The following SIMC1 variants were observed in gnomAD, a reference collection of about 807,000 sequenced individuals.
SIMC1 encodes the protein SUMO-interacting motif-containing protein 1.
Under a neutral mutation model 82.3 loss-of-function variants are expected in SIMC1, and 55 were observed. The observed-to-expected ratio is 0.67, with a 90% CI of 0.54 to 0.84. SIMC1 has a LOEUF of 0.84. Ranked by LOEUF, SIMC1 falls within the 40% of genes least tolerant of loss-of-function variation. The pLI is 0.00. For synonymous variants in SIMC1, 353 were observed against 426.3 expected, an observed-to-expected ratio of 0.83 and a Z score of 2.12; for missense variants, 915 against 1,107.2, an observed-to-expected ratio of 0.83 and a Z score of 2.46.
chr5:176,278,732 G>A (rs542678712), intron 1 of SIMC1, among the ~76,000 whole-genome samples: 1 of 126,388 alleles, frequency 7.9e-6, no homozygotes, highest in Non-Finnish European at 1.7e-5. Context: ...CTTTGGCTCT[G>A]TTTATATGCT....
At chr5:176,245,684 A>G (rs557651224) in intron 1 of SIMC1, among the ~76,000 whole-genome samples, 63 of 152,320 alleles carry the variant, frequency 4.1e-4, no homozygotes, top group Non-Finnish European at 6.8e-4. Context: ...AAAGAAAGTG[A>G]TATTTATTCA....
intron 9 of SIMC1, among the ~76,000 whole-genome samples, chr5:176,343,754 C>A (rs1306939728): frequency 6.6e-6 from 1 of 152,078 alleles, no homozygotes; most frequent in Non-Finnish European, 1.5e-5. Context: ...TGTGCATTAT[C>A]ACACTCACGA....
At chr5:176,309,190 A>C (rs1764552901) in intron 4 of SIMC1, among the ~76,000 whole-genome samples, 2 of 152,236 alleles carry the variant, frequency 1.3e-5, no homozygotes. Context: ...AGATCAATGG[A>C]ACAGATGAGA....
intron 6 of SIMC1, among the ~76,000 whole-genome samples, chr5:176,324,041 G>T (rs998195802): frequency 1.3e-5 from 2 of 151,326 alleles, no homozygotes; most frequent in South Asian, 4.2e-4. Context: ...CTGATGTCAG[G>T]CCAGGCTCAC....
intron 2 of SIMC1, 130 bp from the exon 3 acceptor site, chr5:176,294,900 G>A (rs551747354): frequency 2.6e-5 from 33 of 1,276,062 alleles, no homozygotes; most frequent in Non-Finnish European, 3.2e-5. Context: ...GGGAGGCAGA[G>A]CTTGCAGTGA....
chr5:176,321,541 TAGG>T (rs1426593349), intron 5 of SIMC1, among the ~76,000 whole-genome samples: 13 of 152,180 alleles, frequency 8.5e-5, no homozygotes, highest in Admixed American at 2.6e-4. Flanking sequence ...AGTGGGGTTT[TAGG>T]AGGAAACAAA....
chr5:176,268,179 G>C (rs1344340191), intron 1 of SIMC1, among the ~76,000 whole-genome samples: 1 of 96,416 alleles, frequency 1.0e-5, no homozygotes, highest in African/African-American at 4.1e-5. Flanking sequence ...AACCAATAGA[G>C]GAGTTAAAAT....
intron 7 of SIMC1, among the ~76,000 whole-genome samples, chr5:176,326,534 T>C (rs1235042033): frequency 1.3e-5 from 2 of 151,934 alleles, no homozygotes; most frequent in African/African-American, 4.8e-5. Context: ...CACCCAACCT[T>C]ATTTATTTTT....
intron 1 of SIMC1, among the ~76,000 whole-genome samples, chr5:176,254,166 A>G (rs1761778256): frequency 6.6e-6 from 1 of 152,164 alleles, no homozygotes; most frequent in Non-Finnish European, 1.5e-5. Context: ...GGATGTTGCC[A>G]AGGTCACCCA....
chr5:176,302,192 G>A (rs1256594813), intron 4 of SIMC1, among the ~76,000 whole-genome samples: 1 of 152,138 alleles, frequency 6.6e-6, no homozygotes, highest in Non-Finnish European at 1.5e-5. Flanking sequence ...TTGAATCCAT[G>A]GATGCAGAAC....
chr5:176,289,451 G>C (rs978070752), intron 1 of SIMC1, among the ~76,000 whole-genome samples: 1 of 151,956 alleles, frequency 6.6e-6, no homozygotes, highest in African/African-American at 2.4e-5. Context: ...CTAGTCATGC[G>C]TATGTGGCAT....
chr5:176,273,271 C>T (rs748061788), intron 1 of SIMC1, among the ~76,000 whole-genome samples: 5 of 152,144 alleles, frequency 3.3e-5, no homozygotes, highest in African/African-American at 7.2e-5. Context: ...TTTGCTGTTC[C>T]GCAATATTCA....
At chr5:176,335,724 T>G (rs1382745138) in intron 7 of SIMC1, among the ~76,000 whole-genome samples, 1 of 151,964 alleles carries the variant, frequency 6.6e-6, no homozygotes, top group East Asian at 1.9e-4. Context: ...GGCACAAAAA[T>G]TAGAAGAGAA....
intron 1 of SIMC1, among the ~76,000 whole-genome samples, chr5:176,268,867 C>A (rs1762311162): frequency 6.6e-6 from 1 of 152,194 alleles, no homozygotes; most frequent in South Asian, 2.1e-4. Flanking sequence ...ACAGAATACA[C>A]TTTTTCTCCC....
intron 7 of SIMC1, among the ~76,000 whole-genome samples, chr5:176,333,132 C>T (rs1390240218): frequency 1.7e-4 from 26 of 152,078 alleles, no homozygotes; most frequent in Middle Eastern, 3.4e-3. Flanking sequence ...GGTGAAACCC[C>T]GTCTCTACTA....
At chr5:176,329,415 G>A (rs1478820186) in intron 7 of SIMC1, among the ~76,000 whole-genome samples, 1 of 151,064 alleles carries the variant, frequency 6.6e-6, no homozygotes, top group Non-Finnish European at 1.5e-5. Context: ...AGCTTGCAGT[G>A]AGCAGAGATA....
Position 176,290,525 on chromosome 5 carries a change from G to C in SIMC1, c.1001G>C (p.Gly334Ala), listed in dbSNP as rs1763508077. Residue 334 changes from glycine (G) to alanine (A), a missense_variant, in exon 2 of 10, where the codon GGC (glycine) becomes GCC (alanine). Gly to Ala is a moderately conservative substitution (Grantham distance 60). Coordinates refer to ENST00000429602, the MANE Select transcript of SIMC1 (RefSeq NM_001308195.2). ...CCAGATGCACCACAGTCACCAGGGG[G>C]CATGCCACACTTACCGGGAGATGTG... ...PSPDAPQSPG[G>A]MPHLPGDVLH... 3.1e-6 allele frequency: 5 copies of C among 1,613,944 alleles called. No homozygotes were observed. Among genetic ancestry groups the C allele is most frequent in the Non-Finnish European group, 4.2e-6 (5 of 1,179,878 alleles).
chr5:176,320,913 CTCAGT>C lies in SIMC1; in HGVS notation c.1890-1358_1890-1354del, dbSNP rs1420478142. Among the ~76,000 whole-genome samples, 6 of 152,180 alleles carry C rather than the reference CTCAGT, an allele frequency of 3.9e-5. No homozygotes were observed. In the East Asian group the frequency reaches 1.2e-3, roughly 29 times the overall value. On this transcript the variant is annotated intron_variant, in intron 5 of 9. Transcript: ENST00000429602. ...AAACATGGCACAGTGGCTTTATTTG[CTCAGT>C]TAATTGGTTGCTTTTAATTTTGTAA...
At position 176,289,949 on chromosome 5, in the gene SIMC1, G is replaced by A. The variant is rs764697922; in HGVS notation, c.425G>A (p.Gly142Asp). Residue 142 changes from glycine (G) to aspartate (D), a missense_variant, in exon 2 of 10, where the codon GGT becomes GAT. Physicochemically the swap from Gly to Asp is moderately conservative, Grantham distance 94. Coordinates refer to ENST00000429602, the MANE Select transcript of SIMC1 (RefSeq NM_001308195.2). The part of the protein sequence containing the change: ...LDLVEENTFV[G>D]PPPATSISGG... ...CTAGTGGAAGAAAACACCTTTGTAG[G>A]TCCCCCACCCGCTACATCCATCAGT... 4.3e-6 allele frequency: 7 copies of A among 1,613,714 alleles called. No homozygotes were observed. The highest frequency in any genetic ancestry group is 1.3e-5 in the African/African-American group (1 of 74,924).
Sources: allele counts gnomAD v4.1 joint callset (sites outside exome capture counted in the v4.1 genomes callset), GRCh38; gene constraint gnomAD v4.1.1; transcripts MANE v1.5; gene names NCBI Gene and HGNC (gene_info 2026-07-23, HGNC 2026-07-21).